MED13L: variants seen among roughly 807,000 people sequenced by gnomAD.
The protein encoded by MED13L is mediator complex subunit 13L.
Under a neutral mutation model 220.9 loss-of-function variants are expected in MED13L, and 7 were observed. The ratio of observed to expected loss-of-function variants is 0.03; its 90% CI spans 0.02 to 0.06. The LOEUF is 0.06. MED13L is among the 10% of genes least tolerant of loss of function. The pLI is 1.00. For missense variants in MED13L, 1,965 were observed against 2,760.5 expected (o/e 0.71, Z 6.46); for synonymous variants, 1,011 against 1,015.2 (o/e 1.00, Z 0.08).
chr12:116,084,844 A>G (rs948502604), intron 4 of MED13L, among the ~76,000 whole-genome samples: 47 of 152,230 alleles, frequency 3.1e-4, no homozygotes, highest in African/African-American at 1.1e-3. Flanking sequence ...GATGTTTTAA[A>G]TCACAGAGAC....
intron 1 of MED13L, among the ~76,000 whole-genome samples, chr12:116,259,361 T>C (rs886703084): frequency 1.3e-5 from 2 of 152,184 alleles, no homozygotes; most frequent in African/African-American, 4.8e-5. Flanking sequence ...ATACGAGAAC[T>C]ACAACTGTAG....
intron 1 of MED13L, among the ~76,000 whole-genome samples, chr12:116,241,721 A>G (rs1423512887): frequency 6.6e-6 from 1 of 152,240 alleles, no homozygotes; most frequent in Non-Finnish European, 1.5e-5. Flanking sequence ...CTACAAACTT[A>G]AACACCTGGT....
intron 9 of MED13L, among the ~76,000 whole-genome samples, chr12:116,012,464 T>A (rs186504596): frequency 1.3e-5 from 2 of 152,202 alleles, no homozygotes; most frequent in African/African-American, 4.8e-5. Flanking sequence ...AGCCCATCTG[T>A]TTTTAATGTA....
chr12:116,005,816 T>C (rs201092079), intron 13 of MED13L, 53 bp downstream of exon 13: 1 of 1,605,428 alleles, frequency 6.2e-7, no homozygotes, highest in African/African-American at 1.3e-5. Context: ...AACACTGATA[T>C]AAAGTCCTTT....
Position 116,201,744 on chromosome 12 carries a change from T to A in MED13L, c.310+35724A>T, listed in dbSNP as rs1392234170. Among the ~76,000 whole-genome samples, 3 of 152,192 alleles carry A rather than the reference T, an allele frequency of 2.0e-5. No individual in the cohort carries two copies. The East Asian group carries it at 5.8e-4, about 29-fold the overall frequency. On this transcript the variant is annotated intron_variant, in intron 2 of 30. Transcript: ENST00000281928. ...CCAAAGCTTTCTGCAGGTCTTCAAA[T>A]GGATGAATGATCTGAAAAACCTAAG...
At chr12:116,054,840 T>C (rs1023659388) in intron 4 of MED13L, among the ~76,000 whole-genome samples, 2 of 152,182 alleles carry the variant, frequency 1.3e-5, no homozygotes, top group Admixed American at 1.3e-4. Flanking sequence ...TGTGTTTCAA[T>C]ATTCCACTCC....
intron 4 of MED13L, among the ~76,000 whole-genome samples, chr12:116,090,253 C>T (rs1441946503): frequency 6.6e-6 from 1 of 152,156 alleles, no homozygotes; most frequent in African/African-American, 2.4e-5. Context: ...AGGTGGTCAC[C>T]TCTGTAATAA....
chr12:116,193,077 C>T (rs1316562881), intron 2 of MED13L, among the ~76,000 whole-genome samples: 3 of 151,828 alleles, frequency 2.0e-5, no homozygotes, highest in South Asian at 2.1e-4. Flanking sequence ...CGCAGTGAGC[C>T]GAGATCATGC....
intron 21 of MED13L, 113 bp downstream of exon 21, chr12:115,983,004 A>G: frequency 8.5e-7 from 1 of 1,181,088 alleles, no homozygotes; most frequent in South Asian, 1.3e-5. Flanking sequence ...GAAGAGAAAT[A>G]GAGCACTTCA....
intron 4 of MED13L, among the ~76,000 whole-genome samples, chr12:116,050,899 C>T (rs2551754): frequency 0.31 from 47,372 of 152,014 alleles, 8,648 homozygotes; most frequent in Non-Finnish European, 0.41. Context: ...AGATCATGCA[C>T]GCCAGCCTGG....
intron 4 of MED13L, among the ~76,000 whole-genome samples, chr12:116,063,591 T>C (rs1869687466): frequency 6.6e-6 from 1 of 152,178 alleles, no homozygotes; most frequent in African/African-American, 2.4e-5. Flanking sequence ...GTATTAATAA[T>C]CTAGTTTTAT....
At chr12:116,207,099 T>C (rs1214655185) in intron 2 of MED13L, among the ~76,000 whole-genome samples, 1 of 151,820 alleles carries the variant, frequency 6.6e-6, no homozygotes, top group African/African-American at 2.4e-5. Context: ...AGTCAACAGA[T>C]GGACCACACA....
intron 1 of MED13L, among the ~76,000 whole-genome samples, chr12:116,274,598 G>A (rs1873662017): frequency 6.7e-6 from 1 of 149,204 alleles, no homozygotes; most frequent in African/African-American, 2.4e-5. Context: ...GGTTGCTACT[G>A]CTGTATAGCA....
intron 2 of MED13L, among the ~76,000 whole-genome samples, chr12:116,221,729 A>T (rs1868456349): frequency 6.6e-6 from 1 of 152,232 alleles, no homozygotes; most frequent in African/African-American, 2.4e-5. Context: ...AATCTTTGTT[A>T]ATCAAATACT....
At chr12:116,045,575 AAT>A (rs1881783192) in intron 4 of MED13L, among the ~76,000 whole-genome samples, 1 of 152,214 alleles carries the variant, frequency 6.6e-6, no homozygotes, top group Non-Finnish European at 1.5e-5. Flanking sequence ...TATGACATAA[AAT>A]ATGAGTCACA....
chr12:116,028,780 T>G (rs1880551723), intron 4 of MED13L, among the ~76,000 whole-genome samples: 1 of 152,164 alleles, frequency 6.6e-6, no homozygotes, highest in African/African-American at 2.4e-5. Context: ...ATTCCACGCC[T>G]TCTCAACTCT....
In MED13L at chr12:115,980,738, G is replaced by A. The variant is rs1369540705; in HGVS notation, c.5364+12C>T. On this transcript the variant is annotated intron_variant, in intron 23 of 30. Transcript: ENST00000281928. ...TATAAATTTTCTAAGTTTCTGTCCTGCCAATACCTACCTCAGGGTTCTTGA... is the reference window on the plus strand; with the variant it reads ...TATAAATTTTCTAAGTTTCTGTCCTACCAATACCTACCTCAGGGTTCTTGA... The A allele has an allele frequency of 1.9e-6, 3 of 1,613,460 alleles. No individual in the cohort carries two copies. Among genetic ancestry groups the A allele is most frequent in the African/African-American group, 2.7e-5 (2 of 74,886 alleles).
intron 4 of MED13L, among the ~76,000 whole-genome samples, chr12:116,046,944 G>T (rs139823280): frequency 8.8e-4 from 134 of 152,304 alleles, no homozygotes; most frequent in African/African-American, 3.1e-3. Context: ...ATGCACTCCA[G>T]CCTGGGCGAC....
intron 1 of MED13L, among the ~76,000 whole-genome samples, chr12:116,259,206 T>C (rs569041209): frequency 2.0e-5 from 3 of 152,288 alleles, no homozygotes; most frequent in African/African-American, 4.8e-5. Flanking sequence ...GAGTAAACTA[T>C]ATCTAAATTT....
Sources: gnomAD v4.1 joint callset for allele counts (sites outside exome capture counted in the v4.1 genomes callset) on GRCh38, gnomAD v4.1.1 for gene constraint, MANE v1.5 for transcripts, NCBI Gene and HGNC (gene_info 2026-07-23, HGNC 2026-07-21) for gene names.